PLAAT1: variants seen among roughly 807,000 people sequenced by gnomAD.
The protein encoded by PLAAT1 is phospholipase A and acyltransferase 1.
A neutral mutation model predicts 16.4 loss-of-function variants in PLAAT1; 13 were observed. The ratio of observed to expected loss-of-function variants is 0.79; its 90% CI spans 0.52 to 1.26. The LOEUF (loss-of-function observed/expected upper bound fraction) is 1.26, where lower values mean the gene tolerates loss of function less well. Among genes scored for constraint, PLAAT1 ranks in the 50% most tolerant of loss-of-function variants. The pLI is 0.00. For missense variants in PLAAT1, 218 were observed against 207.8 expected (o/e 1.05, Z -0.30); for synonymous variants, 73 against 78.4 (o/e 0.93, Z 0.36).
At chr3:193,271,493 A>G (rs1429882088), downstream of PLAAT1, among the ~76,000 whole-genome samples, 6 of 152,228 alleles carry the variant, frequency 3.9e-5, no homozygotes, top group Non-Finnish European at 7.3e-5. Flanking sequence ...TTTACAAGCC[A>G]AGGAATGTCA....
chr3:193,269,824 A>T (rs1418867588), intron 3 of PLAAT1, among the ~76,000 whole-genome samples: 1 of 152,174 alleles, frequency 6.6e-6, no homozygotes, highest in African/African-American at 2.4e-5. Flanking sequence ...AATATTCATT[A>T]GTTCTCTCAT....
chr3:193,255,867 TAAAC>T (rs1414341833), intron 2 of PLAAT1, 78 bp downstream of exon 2: 12 of 1,235,504 alleles, frequency 9.7e-6, no homozygotes, highest in African/African-American at 4.6e-5. Context: ...GGTGAAATAA[TAAAC>T]AAAACAAAAT....
At chr3:193,248,103 A>G (rs375516954) in intron 1 of PLAAT1, among the ~76,000 whole-genome samples, 1 of 152,162 alleles carries the variant, frequency 6.6e-6, no homozygotes, top group African/African-American at 2.4e-5. Flanking sequence ...TATTGGGTGC[A>G]TATATAATTG....
chr3:193,269,739 A>G (rs1471933716), intron 3 of PLAAT1, among the ~76,000 whole-genome samples: 2 of 152,168 alleles, frequency 1.3e-5, no homozygotes, highest in Non-Finnish European at 2.9e-5. Context: ...TCCGAATGTG[A>G]CCTTTGGGTC....
intron 3 of PLAAT1, among the ~76,000 whole-genome samples, chr3:193,268,522 G>A (rs768442724): frequency 4.6e-5 from 7 of 152,144 alleles, no homozygotes; most frequent in Non-Finnish European, 1.0e-4. Context: ...AAAGTAAGCC[G>A]TGAAGTAAAA....
At chr3:193,243,484 C>T (rs1017151902) in intron 1 of PLAAT1, among the ~76,000 whole-genome samples, 1 of 152,216 alleles carries the variant, frequency 6.6e-6, no homozygotes, top group Non-Finnish European at 1.5e-5. Context: ...TCTGGTTCTG[C>T]ATATGAATAT....
At chr3:193,253,902 A>G (rs1366696830) in intron 1 of PLAAT1, among the ~76,000 whole-genome samples, 1 of 152,126 alleles carries the variant, frequency 6.6e-6, no homozygotes, top group Non-Finnish European at 1.5e-5. Context: ...TTGAAAAAAA[A>G]TTGCACTAGA....
At chr3:193,270,532 TA>T in intron 3 of PLAAT1, 71 bp from the exon 4 acceptor site, 1 of 1,454,522 alleles carries the variant, frequency 6.9e-7, no homozygotes, top group Non-Finnish European at 9.4e-7. Flanking sequence ...GGAAACAGGC[TA>T]AAGCTTCATT....
intron 2 of PLAAT1, among the ~76,000 whole-genome samples, chr3:193,258,633 A>G (rs376828695): frequency 2.0e-5 from 3 of 152,244 alleles, no homozygotes; most frequent in Middle Eastern, 3.4e-3. Context: ...CTATAATACA[A>G]TTTAGAAAAT....
intron 3 of PLAAT1, among the ~76,000 whole-genome samples, chr3:193,269,102 A>G (rs781231689): frequency 7.3e-5 from 11 of 151,712 alleles, no homozygotes; most frequent in Non-Finnish European, 1.0e-4. Flanking sequence ...TTGGGATTTT[A>G]TCTTATATCC....
chr3:193,275,804 A>G (rs928540028), downstream of PLAAT1, among the ~76,000 whole-genome samples: 1 of 152,192 alleles, frequency 6.6e-6, no homozygotes, highest in African/African-American at 2.4e-5. Context: ...AATTGGTCAA[A>G]TTTTGCATCC....
chr3:193,242,224 G>T (rs1715790970), intron 1 of PLAAT1, among the ~76,000 whole-genome samples: 1 of 151,724 alleles, frequency 6.6e-6, no homozygotes, highest in South Asian at 2.1e-4. Context: ...AAGATCGGAC[G>T]CATGGTATAG....
chr3:193,248,677 CT>C (rs1716071791), intron 1 of PLAAT1, among the ~76,000 whole-genome samples: 1 of 152,090 alleles, frequency 6.6e-6, no homozygotes. Flanking sequence ...ACTTTGATCA[CT>C]TGTACAAACT....
At chr3:193,270,955 T>C, downstream of PLAAT1, 1 of 614,856 alleles carries the variant, frequency 1.6e-6, no homozygotes, top group Non-Finnish European at 2.2e-6. Flanking sequence ...GCAGAAGATC[T>C]TAACAAAATC....
At chr3:193,243,946 A>G (rs1715875744) in intron 1 of PLAAT1, among the ~76,000 whole-genome samples, 1 of 152,200 alleles carries the variant, frequency 6.6e-6, no homozygotes, top group South Asian at 2.1e-4. Context: ...CAAGAATGTT[A>G]TAAAAATGGA....
At chr3:193,265,064 A>G (rs968511159) in intron 3 of PLAAT1, among the ~76,000 whole-genome samples, 1 of 152,210 alleles carries the variant, frequency 6.6e-6, no homozygotes, top group Non-Finnish European at 1.5e-5. Context: ...TAGGCATGTA[A>G]AATGATATAA....
chr3:193,264,889 T>C (rs1325924874), intron 3 of PLAAT1, among the ~76,000 whole-genome samples: 4 of 152,242 alleles, frequency 2.6e-5, no homozygotes, highest in Admixed American at 2.6e-4. Flanking sequence ...CTTTGGATAC[T>C]GGACTCTTTT....
At chr3:193,278,609 A>G (rs1486091240), downstream of PLAAT1, among the ~76,000 whole-genome samples, 1 of 152,092 alleles carries the variant, frequency 6.6e-6, no homozygotes, top group Non-Finnish European at 1.5e-5. Flanking sequence ...CCTACCTCCT[A>G]CCTGGCAAAA....
chr3:193,279,113 G>A (rs1717360899), downstream of PLAAT1, among the ~76,000 whole-genome samples: 1 of 151,980 alleles, frequency 6.6e-6, no homozygotes, highest in Non-Finnish European at 1.5e-5. Context: ...GTATAACATA[G>A]CATAATAAAG....
Sources: allele counts gnomAD v4.1 joint callset (sites outside exome capture counted in the v4.1 genomes callset), GRCh38; gene constraint gnomAD v4.1.1; transcripts MANE v1.5; gene names NCBI Gene and HGNC (gene_info 2026-07-23, HGNC 2026-07-21).